The following LINGO2 variants were observed in gnomAD, a reference collection of about 807,000 sequenced individuals.
LINGO2 encodes leucine rich repeat and Ig domain containing 2, also known as leucine-rich repeat and immunoglobulin-like domain-containing nogo receptor-interacting protein 2.
Under a neutral mutation model 30.6 loss-of-function variants are expected in LINGO2, and 14 were observed. The observed-to-expected ratio is 0.46, with a 90% CI of 0.30 to 0.72. The LOEUF (loss-of-function observed/expected upper bound fraction) is 0.72. LINGO2 is among the 30% of genes least tolerant of loss of function. The pLI is 0.07. For missense variants in LINGO2, 729 were observed against 751.7 expected, an observed-to-expected ratio of 0.97 and a Z score of 0.35; for synonymous variants, 317 against 288.5, an observed-to-expected ratio of 1.10 and a Z score of -1.00.
rs74311913 is a variant in LINGO2, at chr9:28,374,204, TTTTATTTA to T, written c.-278-1344_-278-1337del. ...GACTCTACTTTTGTTAAAAATATGTTTTTATTTATATATATATATATATATATGTAATA... is the reference window on the plus strand; with the variant it reads ...GACTCTACTTTTGTTAAAAATATGTTTATATATATATATATATATGTAATA... On this transcript the variant is annotated intron_variant, in intron 2 of 5. Coordinates refer to ENST00000379992, the Ensembl canonical transcript of LINGO2. Among the ~76,000 whole-genome samples, 830 of 87,424 alleles carry T rather than the reference TTTTATTTA, an allele frequency of 9.5e-3. 7 individuals carry two copies. The highest frequency in any genetic ancestry group is 0.035 in the East Asian group (63 of 1,824). 57.4% of individuals were successfully genotyped at this position (87,424 alleles called of 152,430 possible). A position where few individuals can be genotyped will look rare whatever the true frequency, so the allele number is the denominator to read the frequency against.
intron 4 of LINGO2, among the ~76,000 whole-genome samples, chr9:28,035,565 T>A (rs181464219): frequency 6.6e-6 from 1 of 152,380 alleles, no homozygotes; most frequent in East Asian, 1.9e-4. Flanking sequence ...CATGCTATTA[T>A]CCATTCCATA....
At chr9:27,979,829 A>G (rs1475720100) in intron 5 of LINGO2, among the ~76,000 whole-genome samples, 1 of 152,008 alleles carries the variant, frequency 6.6e-6, no homozygotes, top group Non-Finnish European at 1.5e-5. Flanking sequence ...AGGCTTTCAC[A>G]GGAAATAATT....
intron 1 of LINGO2, among the ~76,000 whole-genome samples, chr9:28,493,678 C>A (rs1045577597): frequency 5.3e-5 from 8 of 152,028 alleles, no homozygotes; most frequent in African/African-American, 1.9e-4. Flanking sequence ...AAAATTTTGT[C>A]CCTAGGTGTT....
At chr9:29,004,287 T>C in the LINGO2 span, among the ~76,000 whole-genome samples, 7 of 151,594 alleles carry the variant, frequency 4.6e-5, no homozygotes, top group Admixed American at 1.3e-4. Context: ...AGCTAAAAAA[T>C]AATCTCATAA....
chr9:28,254,798 T>G lies in LINGO2; in HGVS notation c.-87+40410A>C, dbSNP rs13439976. 6.3e-3 allele frequency among the ~76,000 whole-genome samples: 959 copies of G among 152,242 alleles called. 23 individuals are homozygous for G. Among genetic ancestry groups the G allele is most frequent in the African/African-American group, 0.022 (895 of 41,566 alleles). On this transcript the variant is annotated intron_variant, in intron 4 of 5. Coordinates refer to ENST00000379992, the Ensembl canonical transcript of LINGO2. ...TAACTTTTAAGTTCAGGGGTACATG[T>G]GCAGATTTGTTATATAGGTAAAAAC...
intron 4 of LINGO2, among the ~76,000 whole-genome samples, chr9:28,032,851 C>T (rs1398642475): frequency 6.6e-6 from 1 of 152,198 alleles, no homozygotes; most frequent in Non-Finnish European, 1.5e-5. Context: ...AAACACTGTA[C>T]AACAGAAGGG....
At chr9:28,576,641 A>AT (rs764101057) in intron 1 of LINGO2, among the ~76,000 whole-genome samples, 1 of 152,058 alleles carries the variant, frequency 6.6e-6, no homozygotes, top group Non-Finnish European at 1.5e-5. Context: ...AGTTTTTAGG[A>AT]TTTTTTTGAA....
intron 1 of LINGO2, among the ~76,000 whole-genome samples, chr9:28,663,943 T>A (rs1828689113): frequency 6.6e-6 from 1 of 152,108 alleles, no homozygotes; most frequent in South Asian, 2.1e-4. Context: ...AAGGCTTGAG[T>A]TATTTAAGTC....
chr9:28,071,664 AG>A (rs1397170495), intron 4 of LINGO2, among the ~76,000 whole-genome samples: 3 of 151,878 alleles, frequency 2.0e-5, no homozygotes, highest in Non-Finnish European at 4.4e-5. Context: ...TAAGGCTCAC[AG>A]GTATTGTGTA....
chr9:29,003,381 G>A, the LINGO2 span, among the ~76,000 whole-genome samples: 8 of 151,958 alleles, frequency 5.3e-5, no homozygotes, highest in Middle Eastern at 3.2e-3. Context: ...AGGATTAAGT[G>A]ACTATCATTA....
At chr9:29,105,702 T>C in the LINGO2 span, among the ~76,000 whole-genome samples, 1 of 152,138 alleles carries the variant, frequency 6.6e-6, no homozygotes, top group South Asian at 2.1e-4. Flanking sequence ...ATTCATGCCT[T>C]TAATATAAGG....
intron 3 of LINGO2, among the ~76,000 whole-genome samples, chr9:28,351,535 G>A (rs1160262991): frequency 6.8e-6 from 1 of 146,472 alleles, no homozygotes; most frequent in Non-Finnish European, 1.5e-5. Flanking sequence ...AAGAGTCCAG[G>A]ACCAGATGGA....
chr9:28,940,955 T>C, the LINGO2 span, among the ~76,000 whole-genome samples: 1 of 150,986 alleles, frequency 6.6e-6, no homozygotes, highest in African/African-American at 2.4e-5. Flanking sequence ...AATTGACTAA[T>C]GTATCTTAAA....
At chr9:28,365,260 A>T (rs886360496) in intron 3 of LINGO2, among the ~76,000 whole-genome samples, 12 of 152,132 alleles carry the variant, frequency 7.9e-5, no homozygotes, top group African/African-American at 2.7e-4. Context: ...TGGTTGGAAC[A>T]AAGGGAGCTT....
At chr9:27,960,801 T>C (rs977777059) in intron 5 of LINGO2, among the ~76,000 whole-genome samples, 1 of 152,112 alleles carries the variant, frequency 6.6e-6, no homozygotes, top group African/African-American at 2.4e-5. Flanking sequence ...GGATGTCATT[T>C]TGCTATTTGC....
chr9:28,084,188 C>T (rs1369458462), intron 4 of LINGO2, among the ~76,000 whole-genome samples: 2 of 152,064 alleles, frequency 1.3e-5, no homozygotes, highest in Non-Finnish European at 2.9e-5. Context: ...TTGTTATAGT[C>T]TAGTTTAGGG....
chr9:28,893,601 A>G, the LINGO2 span, among the ~76,000 whole-genome samples: 1 of 89,248 alleles, frequency 1.1e-5, no homozygotes, highest in Non-Finnish European at 2.4e-5. Flanking sequence ...AATTTAAAAA[A>G]TTTGATGGAA....
At chr9:28,735,724 T>A in the LINGO2 span, among the ~76,000 whole-genome samples, 3 of 152,100 alleles carry the variant, frequency 2.0e-5, no homozygotes, top group Non-Finnish European at 2.9e-5. Context: ...ATTCTTTTAA[T>A]TATAACATCT....
intron 3 of LINGO2, among the ~76,000 whole-genome samples, chr9:28,298,344 C>A (rs1340870761): frequency 6.6e-6 from 1 of 151,796 alleles, no homozygotes; most frequent in East Asian, 1.9e-4. Flanking sequence ...TTAATGCTTT[C>A]ATTTTTTTGA....
Sources: allele counts gnomAD v4.1 joint callset (sites outside exome capture counted in the v4.1 genomes callset), GRCh38; gene constraint gnomAD v4.1.1; transcripts MANE v1.5; gene names NCBI Gene and HGNC (gene_info 2026-07-23, HGNC 2026-07-21).